Variants in B3GALT1 observed in about 807,000 individuals in gnomAD.
B3GALT1 encodes the protein beta-1,3-galactosyltransferase 1, also known as UDP-Gal:betaGlcNAc beta 1,3-galactosyltransferase, polypeptide 1.
A neutral mutation model predicts 23.2 loss-of-function variants in B3GALT1; 10 were observed. The ratio of observed to expected loss-of-function variants is 0.43; its 90% CI spans 0.27 to 0.73. B3GALT1 has a LOEUF of 0.73. Among genes scored for constraint, B3GALT1 ranks in the 30% least tolerant of loss-of-function variants. The pLI is 0.21. For missense variants in B3GALT1, 299 were observed against 405.4 expected (o/e 0.74, Z 2.25); for synonymous variants, 156 against 141.5 (o/e 1.10, Z -0.73).
chr2:167,742,151 TTACTA>T (rs1338714621), intron 3 of B3GALT1, among the ~76,000 whole-genome samples: 2 of 152,210 alleles, frequency 1.3e-5, no homozygotes, highest in African/African-American at 4.8e-5. Context: ...GAAGGTCACT[TTACTA>T]TATCAGTGTT....
chr2:167,516,961 T>C (rs924394086), intron 2 of B3GALT1, among the ~76,000 whole-genome samples: 3 of 95,916 alleles, frequency 3.1e-5, no homozygotes, highest in Non-Finnish European at 5.3e-5. Flanking sequence ...TATATATATA[T>C]ATATATATAT....
intron 1 of B3GALT1, among the ~76,000 whole-genome samples, chr2:167,326,720 C>T (rs755687488): frequency 2.6e-5 from 4 of 151,976 alleles, no homozygotes; most frequent in Admixed American, 6.6e-5. Context: ...GACACAGTTT[C>T]ACTCTATCGC....
chr2:167,651,120 C>T (rs567903110), intron 3 of B3GALT1, among the ~76,000 whole-genome samples: 52 of 152,008 alleles, frequency 3.4e-4, no homozygotes, highest in Middle Eastern at 3.4e-3. Context: ...ATGCAATGAA[C>T]TTTTGTTAGG....
intron 2 of B3GALT1, among the ~76,000 whole-genome samples, chr2:167,516,179 A>G (rs976085658): frequency 6.6e-6 from 1 of 152,106 alleles, no homozygotes; most frequent in Admixed American, 6.6e-5. Flanking sequence ...AAATTTCAAC[A>G]TAATTTTTTT....
intron 2 of B3GALT1, among the ~76,000 whole-genome samples, chr2:167,562,475 G>A (rs1302508717): frequency 3.3e-5 from 5 of 151,990 alleles, no homozygotes; most frequent in Non-Finnish European, 7.4e-5. Flanking sequence ...GGCAGGAGAA[G>A]GAAATAAAGG....
intron 2 of B3GALT1, among the ~76,000 whole-genome samples, chr2:167,519,504 A>G (rs900076365): frequency 7.2e-5 from 11 of 152,256 alleles, no homozygotes; most frequent in African/African-American, 2.6e-4. Flanking sequence ...TATGTGCCAT[A>G]TGTTTTCTGC....
chr2:167,510,050 ATAAAAT>A (rs1424579565), intron 2 of B3GALT1, among the ~76,000 whole-genome samples: 1 of 152,180 alleles, frequency 6.6e-6, no homozygotes, highest in African/African-American at 2.4e-5. Context: ...ATGTTGAAAG[ATAAAAT>A]TAAAAGTCAG....
At chr2:167,536,406 CATTGGTGGT>C (rs1683426634) in intron 2 of B3GALT1, among the ~76,000 whole-genome samples, 4 of 152,106 alleles carry the variant, frequency 2.6e-5, no homozygotes, top group Admixed American at 2.6e-4. Context: ...GCAACTGAGG[CATTGGTGGT>C]TACAAAAGAC....
At chr2:167,768,149 G>T (rs1232713103) in intron 3 of B3GALT1, among the ~76,000 whole-genome samples, 1 of 152,194 alleles carries the variant, frequency 6.6e-6, no homozygotes, top group East Asian at 1.9e-4. Flanking sequence ...CTCTGTCAGA[G>T]CATCCTTACA....
chr2:167,340,365 G>A (rs185268571), intron 1 of B3GALT1, among the ~76,000 whole-genome samples: 7 of 151,644 alleles, frequency 4.6e-5, no homozygotes, highest in African/African-American at 1.7e-4. Flanking sequence ...ACAAGGGTTG[G>A]TGTGACAAAA....
Position 167,713,845 on chromosome 2 carries a change from T to C in B3GALT1, c.-352+66879T>C, listed in dbSNP as rs563798166. 2.1e-3 allele frequency: 3,312 copies of C among 1,593,158 alleles called. 12 individuals are homozygous for C. Among genetic ancestry groups the C allele is most frequent in the Non-Finnish European group, 2.3e-3 (2,639 of 1,161,298 alleles). Reference sequence around the variant, plus strand: ...TTGCAAATGGAGCATGTGGTGGACCTGGGAAATCCCTTGATAGAAAATAAC... The same window carrying C: ...TTGCAAATGGAGCATGTGGTGGACCCGGGAAATCCCTTGATAGAAAATAAC... On this transcript the variant is annotated intron_variant, in intron 3 of 4. Coordinates refer to ENST00000392690, the MANE Select transcript of B3GALT1 (RefSeq NM_020981.4).
intron 2 of B3GALT1, among the ~76,000 whole-genome samples, chr2:167,554,815 A>G (rs1683815086): frequency 6.6e-6 from 1 of 152,192 alleles, no homozygotes; most frequent in Non-Finnish European, 1.5e-5. Flanking sequence ...GTACCTACTA[A>G]CTTTAGTAGA....
chr2:167,531,983 T>A (rs1002496022), intron 2 of B3GALT1, among the ~76,000 whole-genome samples: 2 of 152,300 alleles, frequency 1.3e-5, no homozygotes, highest in Admixed American at 6.5e-5. Context: ...TGCCTTTTTA[T>A]TAGTAGTGGT....
intron 3 of B3GALT1, among the ~76,000 whole-genome samples, chr2:167,799,880 CACAG>C (rs1688606663): frequency 6.6e-6 from 1 of 151,546 alleles, no homozygotes; most frequent in Non-Finnish European, 1.5e-5. Flanking sequence ...GTTCAAGACC[CACAG>C]ACAAAGGTTC....
At chr2:167,570,523 G>A (rs1227138) in intron 2 of B3GALT1, among the ~76,000 whole-genome samples, 2,352 of 151,966 alleles carry the variant, frequency 0.015, 62 homozygotes, top group African/African-American at 0.054. Context: ...GCTTCTAAGC[G>A]ATTGTAGTGG....
Position 167,564,267 on chromosome 2 carries a change from C to T in B3GALT1, c.-410+73990C>T, listed in dbSNP as rs1231972693. Among the ~76,000 whole-genome samples, 66 of 150,042 alleles carry T rather than the reference C, an allele frequency of 4.4e-4. 1 individual carries two copies. The highest frequency in any genetic ancestry group is 1.2e-3 in the African/African-American group (50 of 40,702). On this transcript the variant is annotated intron_variant, in intron 2 of 4. Coordinates refer to ENST00000392690, the MANE Select transcript of B3GALT1 (RefSeq NM_020981.4). Reference sequence around the variant, plus strand: ...CGCTCCCCACATCTCAGACGATGGGCGGCCGGGCAGAGACGCTCCCCCCCT... The same window carrying T: ...CGCTCCCCACATCTCAGACGATGGGTGGCCGGGCAGAGACGCTCCCCCCCT...
intron 1 of B3GALT1, among the ~76,000 whole-genome samples, chr2:167,363,906 C>T (rs999264288): frequency 5.3e-5 from 8 of 152,050 alleles, no homozygotes; most frequent in Non-Finnish European, 8.8e-5. Context: ...CACCTATAAT[C>T]CCAGCACTTT....
At chr2:167,502,807 A>C (rs1188150346) in intron 2 of B3GALT1, among the ~76,000 whole-genome samples, 2 of 152,204 alleles carry the variant, frequency 1.3e-5, no homozygotes, top group South Asian at 2.1e-4. Context: ...TGGGAGGCCA[A>C]GGCAGGTGGA....
intron 2 of B3GALT1, among the ~76,000 whole-genome samples, chr2:167,516,975 A>G (rs1700109297): frequency 6.6e-6 from 1 of 151,342 alleles, no homozygotes; most frequent in African/African-American, 2.4e-5. Flanking sequence ...TATATATGAC[A>G]CTTAAGCTTC....
Sources: gnomAD v4.1 joint callset for allele counts (sites outside exome capture counted in the v4.1 genomes callset) on GRCh38, gnomAD v4.1.1 for gene constraint, MANE v1.5 for transcripts, NCBI Gene and HGNC (gene_info 2026-07-23, HGNC 2026-07-21) for gene names.